SOCS6: variants seen among roughly 807,000 people sequenced by gnomAD.
SOCS6 encodes the protein STAT induced STAT inhibitor-4.
A neutral mutation model predicts 27.7 loss-of-function variants in SOCS6; 5 were observed. The observed-to-expected ratio is 0.18, with a 90% CI of 0.09 to 0.38. SOCS6 has a LOEUF of 0.38. Among genes scored for constraint, SOCS6 ranks in the 10% least tolerant of loss-of-function variants. SOCS6 has a pLI of 1.00. For synonymous variants in SOCS6, 271 were observed against 260.0 expected (o/e 1.04, Z -0.41); for missense variants, 595 against 688.1 (o/e 0.86, Z 1.51).
intron 1 of SOCS6, among the ~76,000 whole-genome samples, chr18:70,317,419 G>GGTGT (rs139320786): frequency 0.032 from 4,716 of 148,138 alleles, 240 homozygotes; most frequent in African/African-American, 0.11. Context: ...AGTATTCCAT[G>GGTGT]GTGTGTGTGT....
chr18:70,308,263 T>A (rs182266249), intron 1 of SOCS6, among the ~76,000 whole-genome samples: 1 of 152,214 alleles, frequency 6.6e-6, no homozygotes, highest in South Asian at 2.1e-4. Context: ...TCACCCAGAC[T>A]GGAGTGCAGT....
intron 1 of SOCS6, among the ~76,000 whole-genome samples, chr18:70,306,832 G>A (rs1016606490): frequency 5.9e-5 from 9 of 152,168 alleles, no homozygotes; most frequent in Admixed American, 4.6e-4. Context: ...ATGATCATGT[G>A]TGTTTTTTTC....
chr18:70,318,809 G>A (rs993005359), intron 1 of SOCS6, among the ~76,000 whole-genome samples: 2 of 151,988 alleles, frequency 1.3e-5, no homozygotes, highest in South Asian at 2.1e-4. Flanking sequence ...GGTGGTGGGC[G>A]CCTATAATCC....
chr18:70,295,273 A>G (rs575194569), intron 1 of SOCS6, among the ~76,000 whole-genome samples: 2 of 152,348 alleles, frequency 1.3e-5, no homozygotes, highest in African/African-American at 4.8e-5. Context: ...ATCTTTAGAC[A>G]AGGTATTTTT....
chr18:70,316,454 A>G (rs1363650937), intron 1 of SOCS6, among the ~76,000 whole-genome samples: 3 of 152,098 alleles, frequency 2.0e-5, no homozygotes, highest in South Asian at 4.1e-4. Context: ...TAAATTTGCT[A>G]TATTCTTCAT....
chr18:70,326,448 G>C lies in SOCS6; in HGVS notation c.*172G>C. ...GGGGAAGTGTCAGCAAGGTGTCTTG[G>C]GTTTATTTTGGTTCTTTAAAAAAGG... On this transcript the variant is annotated 3_prime_UTR_variant, in exon 2 of 2. Coordinates refer to ENST00000397942, the MANE Select transcript of SOCS6 (RefSeq NM_004232.4). 3.3e-6 allele frequency: 2 copies of C among 606,988 alleles called. No homozygotes were observed. The highest frequency in any genetic ancestry group is 5.8e-6 in the Non-Finnish European group (2 of 344,192). 37.6% of individuals were successfully genotyped at this position (606,988 alleles called of 1,614,324 possible).
intron 1 of SOCS6, among the ~76,000 whole-genome samples, chr18:70,321,338 T>TTTG (rs1910982719): frequency 1.6e-5 from 2 of 128,134 alleles, no homozygotes; most frequent in African/African-American, 3.5e-5. Flanking sequence ...TTTTTTTTTT[T>TTTG]GACAGAGTTT....
At chr18:70,297,117 C>T (rs1033569351) in intron 1 of SOCS6, among the ~76,000 whole-genome samples, 7 of 151,838 alleles carry the variant, frequency 4.6e-5, no homozygotes, top group African/African-American at 1.5e-4. Flanking sequence ...TCTCCTCACC[C>T]CCTCTTTTTT....
At position 70,325,179 on chromosome 18, in the gene SOCS6, G is replaced by C. The variant is rs755164587; in HGVS notation, c.511G>C (p.Val171Leu). The C allele has an allele frequency of 8.1e-6, 13 of 1,614,106 alleles. No homozygotes were observed. Among genetic ancestry groups the C allele is most frequent in the Non-Finnish European group, 1.0e-5 (12 of 1,179,978 alleles). Reference sequence around the variant, plus strand: ...CAGCCCGAGTCCAGCCCTGAATGGCGTCCGGAAGGATTTCCACGACCTCCA... The same window carrying C: ...CAGCCCGAGTCCAGCCCTGAATGGCCTCCGGAAGGATTTCCACGACCTCCA... ...SSSPSPALNG[V>L]RKDFHDLQSE... The change falls in exon 2 of 2, where the codon GTC becomes CTC. Residue 171 changes from valine to leucine, a missense_variant. By Grantham distance (32) the Val-to-Leu change is conservative (BLOSUM62 1). Around this residue, in one of 2 missense-constraint regions of SOCS6, gnomAD observed 467 missense variants for 481.1 expected, o/e 0.97. Coordinates refer to ENST00000397942, the MANE Select transcript of SOCS6 (RefSeq NM_004232.4). The surrounding 1 kb of genome is among the most constrained non-coding windows in gnomAD (Gnocchi z 6.3).
chr18:70,326,485 G>A lies in SOCS6; in HGVS notation c.*209G>A, dbSNP rs1911214139. 1.4e-5 allele frequency: 8 copies of A among 558,368 alleles called. No homozygotes were observed. The East Asian group carries it at 2.4e-4, about 17-fold the overall frequency. 34.6% of individuals were successfully genotyped at this position (558,368 alleles called of 1,614,324 possible). ...TTCTTTAAAAAAGGGAAGTCTTGAGGTTTTAGAGGTGTGAATTATGTTTCA... is the reference window on the plus strand; with the variant it reads ...TTCTTTAAAAAAGGGAAGTCTTGAGATTTTAGAGGTGTGAATTATGTTTCA... On this transcript the variant is annotated 3_prime_UTR_variant, in exon 2 of 2. Coordinates refer to ENST00000397942, the MANE Select transcript of SOCS6 (RefSeq NM_004232.4).
At chr18:70,321,685 A>G (rs182056712) in intron 1 of SOCS6, among the ~76,000 whole-genome samples, 95 of 152,084 alleles carry the variant, frequency 6.2e-4, no homozygotes, top group African/African-American at 1.7e-3. Context: ...CACATAAACA[A>G]TGCTTCTTCC....
chr18:70,305,077 T>C (rs1168024635), intron 1 of SOCS6, among the ~76,000 whole-genome samples: 1 of 151,614 alleles, frequency 6.6e-6, no homozygotes, highest in Non-Finnish European at 1.5e-5. Context: ...CATGGTGGCA[T>C]GCACCTGTAA....
intron 1 of SOCS6, among the ~76,000 whole-genome samples, chr18:70,310,658 T>C (rs886391809): frequency 2.0e-5 from 3 of 152,000 alleles, no homozygotes; most frequent in African/African-American, 4.8e-5. Flanking sequence ...TATATACTGC[T>C]TTTATCCCCA....
chr18:70,313,016 G>A (rs185181193), intron 1 of SOCS6, among the ~76,000 whole-genome samples: 10 of 152,102 alleles, frequency 6.6e-5, no homozygotes, highest in Non-Finnish European at 1.0e-4. Flanking sequence ...TCTTGACCTC[G>A]TGATCCACCT....
intron 1 of SOCS6, among the ~76,000 whole-genome samples, chr18:70,297,962 A>G (rs1044272781): frequency 6.6e-6 from 1 of 152,198 alleles, no homozygotes; most frequent in Non-Finnish European, 1.5e-5. Flanking sequence ...TGTATGTTCT[A>G]TGTGAAAGCA....
In SOCS6 at chr18:70,329,678, A is replaced by G. The variant is rs1413051035; in HGVS notation, c.*3402A>G. Reference sequence around the variant, plus strand: ...TTTCTTGAAAACTCTAATAAGGAACAATAGCCAGTTCCGTAAATAACTTTA... The same window carrying G: ...TTTCTTGAAAACTCTAATAAGGAACGATAGCCAGTTCCGTAAATAACTTTA... On this transcript the variant is annotated 3_prime_UTR_variant, in exon 2 of 2. Coordinates refer to ENST00000397942, the MANE Select transcript of SOCS6 (RefSeq NM_004232.4). 6.0e-6 allele frequency: 1 copy of G among 167,136 alleles called. No individual in the cohort carries two copies. Among genetic ancestry groups the G allele is most frequent in the Admixed American group, 6.5e-5 (1 of 15,290 alleles). The allele number at this position is 167,136 out of a possible 1,614,324, so 10.4% of individuals were successfully genotyped here.
intron 1 of SOCS6, among the ~76,000 whole-genome samples, chr18:70,289,294 T>C (rs909816795): frequency 6.9e-6 from 1 of 144,946 alleles, no homozygotes; most frequent in Non-Finnish European, 1.5e-5. Flanking sequence ...TCTCGGCGGG[T>C]GCGCGGGCGG....
At position 70,325,365 on chromosome 18, in the gene SOCS6, C is replaced by A; in HGVS notation, c.697C>A (p.Pro233Thr). The change falls in exon 2 of 2, where the codon CCT (proline) becomes ACT (threonine). Residue 233 changes from proline to threonine, a missense_variant. By Grantham distance (38) the Pro-to-Thr change is conservative (BLOSUM62 -1). Around this residue, in one of 2 missense-constraint regions of SOCS6, gnomAD observed 467 missense variants for 481.1 expected, o/e 0.97. Transcript: ENST00000397942. This position sits in a 1 kb window ranked among gnomAD's most constrained non-coding sequence, Gnocchi z 6.3. Reference sequence around the variant, plus strand: ...TGTGCCTTTAGATGAGGGGATGTATCCTTTGGAAGGATCACGGAGCTATTG... The same window carrying A: ...TGTGCCTTTAGATGAGGGGATGTATACTTTGGAAGGATCACGGAGCTATTG... ...YTVPLDEGMY[P>T]LEGSRSYCLD... The A allele has an allele frequency of 6.2e-7, 1 of 1,614,104 alleles. No homozygotes were observed. Among genetic ancestry groups the A allele is most frequent in the Non-Finnish European group, 8.5e-7 (1 of 1,179,990 alleles).
chr18:70,294,290 C>G (rs1278534976), intron 1 of SOCS6, among the ~76,000 whole-genome samples: 1 of 151,794 alleles, frequency 6.6e-6, no homozygotes, highest in Non-Finnish European at 1.5e-5. Flanking sequence ...TTTTCTGTGT[C>G]CCTGACACAT....
Sources: allele counts gnomAD v4.1 joint callset (sites outside exome capture counted in the v4.1 genomes callset), GRCh38; gene constraint gnomAD v4.1.1; regional missense constraint gnomAD v4.1.1; non-coding constraint Gnocchi (gnomAD v3.1); transcripts MANE v1.5; gene names NCBI Gene and HGNC (gene_info 2026-07-23, HGNC 2026-07-21).